CACNA1A: variants seen among roughly 807,000 people sequenced by gnomAD.
CACNA1A encodes the protein voltage-dependent P/Q-type calcium channel subunit alpha-1A.
CACNA1A carries 57 observed loss-of-function variants against 262.4 expected under a neutral mutation model. The ratio of observed to expected loss-of-function variants is 0.22; its 90% CI spans 0.18 to 0.27. The LOEUF (loss-of-function observed/expected upper bound fraction) is 0.27. Among genes scored for constraint, CACNA1A ranks in the 10% least tolerant of loss-of-function variants. The pLI, the probability that CACNA1A is intolerant of heterozygous loss-of-function variation, is 1.00. For missense variants in CACNA1A, 2,526 were observed against 3,562.8 expected, an observed-to-expected ratio of 0.71 and a Z score of 7.41; for synonymous variants, 1,431 against 1,419.3, an observed-to-expected ratio of 1.01 and a Z score of -0.18.
intron 1 of CACNA1A, among the ~76,000 whole-genome samples, chr19:13,490,855 AAG>A (rs1491462699): frequency 6.9e-6 from 1 of 145,874 alleles, no homozygotes; most frequent in Non-Finnish European, 1.5e-5. Flanking sequence ...GAAGGAGGGA[AAG>A]AGAAAGGAAA....
At chr19:13,504,979 T>G (rs555305181) in intron 1 of CACNA1A, among the ~76,000 whole-genome samples, 3 of 151,812 alleles carry the variant, frequency 2.0e-5, no homozygotes, top group South Asian at 4.2e-4. Context: ...AAAAAAAAAA[T>G]TTAAAAGGCA....
chr19:13,370,091 GCTT>G (rs1329103691), intron 4 of CACNA1A, among the ~76,000 whole-genome samples: 1 of 151,234 alleles, frequency 6.6e-6, no homozygotes, highest in Non-Finnish European at 1.5e-5. Flanking sequence ...CATAGTAAGT[GCTT>G]TTTAATTTTT....
chr19:13,235,359 A>G lies in CACNA1A; in HGVS notation c.5068-85T>C, dbSNP rs562852941. 4.4e-6 allele frequency: 6 copies of G among 1,351,556 alleles called. No homozygotes were observed. The East Asian group carries it at 1.5e-4, about 34-fold the overall frequency. The allele number at this position is 1,351,556 out of a possible 1,614,324, so 83.7% of individuals were successfully genotyped here. A position where few individuals can be genotyped will look rare whatever the true frequency, so the allele number is the denominator to read the frequency against. On this transcript the variant is annotated intron_variant, in intron 32 of 46. Transcript: ENST00000360228. ...CTCCCTTGTCCCAGTGCTCTGCCCCACTGGGTTGGGTGGCCATATGCCACG... is the reference window on the plus strand; with the variant it reads ...CTCCCTTGTCCCAGTGCTCTGCCCCGCTGGGTTGGGTGGCCATATGCCACG...
chr19:13,209,208 A>C, intron 45 of CACNA1A, 104 bp downstream of exon 45: 1 of 1,349,728 alleles, frequency 7.4e-7, no homozygotes, highest in South Asian at 1.5e-5. Flanking sequence ...CTCTCCATGG[A>C]GGCCTCTCCC....
At chr19:13,431,565 T>C (rs982638225) in intron 3 of CACNA1A, among the ~76,000 whole-genome samples, 1 of 152,044 alleles carries the variant, frequency 6.6e-6, no homozygotes, top group Non-Finnish European at 1.5e-5. Context: ...CAGAGTCAGC[T>C]GCACACCCAT....
intron 31 of CACNA1A, among the ~76,000 whole-genome samples, chr19:13,238,595 A>T (rs1274067790): frequency 2.7e-5 from 4 of 147,444 alleles, no homozygotes; most frequent in Admixed American, 6.7e-5. Flanking sequence ...ATCACCCAGT[A>T]TTTTTTTTTT....
chr19:13,225,705 C>T (rs1164241743), intron 37 of CACNA1A: 1 of 149,788 alleles, frequency 6.7e-6, no homozygotes. Flanking sequence ...CAGAGCAGGA[C>T]ACTGGAGGGG....
At chr19:13,270,750 G>A (rs2056996523) in intron 24 of CACNA1A, among the ~76,000 whole-genome samples, 2 of 152,212 alleles carry the variant, frequency 1.3e-5, no homozygotes, top group Admixed American at 1.3e-4. Context: ...TTGACAGTGG[G>A]GTGGGGAGGG....
At chr19:13,451,324 C>G (rs1187711796) in intron 3 of CACNA1A, 2 of 152,378 alleles carry the variant, frequency 1.3e-5, no homozygotes, top group Admixed American at 6.5e-5. Context: ...GAGACAGAAC[C>G]TGGAGCAGCA....
Position 13,212,831 on chromosome 19 carries a change from C to T in CACNA1A, c.5941-91G>A. 1.9e-6 allele frequency: 1 copy of T among 513,418 alleles called. No homozygotes were observed. 31.8% of individuals were successfully genotyped at this position (513,418 alleles called of 1,614,324 possible). The stretch of plus-strand genomic sequence containing the variant: ...GGCATTGCGACATCCCCAGTATACA[C>T]ACACACACACACACACACTCTCTCA... On this transcript the variant is annotated intron_variant, in intron 40 of 46. Coordinates refer to ENST00000360228, the MANE Select transcript of CACNA1A (RefSeq NM_001127222.2). The surrounding 1 kb of genome is among the most constrained non-coding windows in gnomAD (Gnocchi z 5.6).
intron 19 of CACNA1A, among the ~76,000 whole-genome samples, chr19:13,297,990 T>G (rs2057701152): frequency 6.6e-6 from 1 of 151,620 alleles, no homozygotes; most frequent in South Asian, 2.1e-4. Flanking sequence ...CCACCACTAA[T>G]TTTTGTATTT....
intron 3 of CACNA1A, among the ~76,000 whole-genome samples, chr19:13,395,834 C>A (rs535268330): frequency 6.6e-6 from 1 of 151,672 alleles, no homozygotes; most frequent in African/African-American, 2.4e-5. Context: ...AGAGAGCCCC[C>A]CCTCCATTCC....
chr19:13,360,752 C>T (rs1009899781), intron 5 of CACNA1A, among the ~76,000 whole-genome samples: 1 of 152,182 alleles, frequency 6.6e-6, no homozygotes, highest in Admixed American at 6.5e-5. Flanking sequence ...GCTGGGATTA[C>T]AGGCGTGAGC....
At position 13,413,897 on chromosome 19, in the gene CACNA1A, A is replaced by G. The variant is rs750244817; in HGVS notation, c.539+38979T>C. On this transcript the variant is annotated intron_variant, in intron 3 of 46. Transcript: ENST00000360228. The stretch of plus-strand genomic sequence containing the variant: ...CTCTGTCAAGAAAGAAAGAAAGAAA[A>G]AGAAAGAAAGAAAGAAAGAAAGAAA... Among the ~76,000 whole-genome samples the G allele has an allele frequency of 3.9e-3, 173 of 44,474 alleles. 2 individuals are homozygous for G. Among genetic ancestry groups the G allele is most frequent in the African/African-American group, 9.2e-3 (162 of 17,606 alleles). 29.2% of individuals were successfully genotyped at this position (44,474 alleles called of 152,430 possible).
At chr19:13,392,821 A>G (rs924656084) in intron 3 of CACNA1A, among the ~76,000 whole-genome samples, 2 of 152,008 alleles carry the variant, frequency 1.3e-5, no homozygotes, top group Non-Finnish European at 2.9e-5. Context: ...ATCTCTGCTC[A>G]CTGCAACCTC....
chr19:13,231,701 C>G lies in CACNA1A; in HGVS notation c.5400+9G>C. 1 of 1,606,902 alleles carries G rather than the reference C, an allele frequency of 6.2e-7. No homozygotes were observed. The highest frequency in any genetic ancestry group is 8.5e-7 in the Non-Finnish European group (1 of 1,176,636). Reference sequence around the variant, plus strand: ...GCCCAGACGGCCCTCACAGTGTCCACAGACTCACCAGAAACGAGCAGAGGA... The same window carrying G: ...GCCCAGACGGCCCTCACAGTGTCCAGAGACTCACCAGAAACGAGCAGAGGA... On this transcript the variant is annotated intron_variant, in intron 35 of 46. Coordinates refer to ENST00000360228, the MANE Select transcript of CACNA1A (RefSeq NM_001127222.2).
chr19:13,380,507 C>T lies in CACNA1A; in HGVS notation c.540-8728G>A, dbSNP rs1055102072. 4.9e-4 allele frequency among the ~76,000 whole-genome samples: 74 copies of T among 150,310 alleles called. 1 individual carries two copies. The highest frequency in any genetic ancestry group is 2.8e-3 in the East Asian group (14 of 5,042). ...CTAAAAATGCAAAAAATTAGCTGGG[C>T]GTGGCGGTGGGCATCTGTAATCCCA... On this transcript the variant is annotated intron_variant, in intron 3 of 46. Coordinates refer to ENST00000360228, the MANE Select transcript of CACNA1A (RefSeq NM_001127222.2).
At chr19:13,503,881 TCGCAATTCA>T (rs1982694209) in intron 1 of CACNA1A, among the ~76,000 whole-genome samples, 1 of 151,880 alleles carries the variant, frequency 6.6e-6, no homozygotes, top group African/African-American at 2.4e-5. Flanking sequence ...CAAGCAACAC[TCGCAATTCA>T]CCTGCCTCCC....
At chr19:13,397,434 T>C (rs1275624451) in intron 3 of CACNA1A, among the ~76,000 whole-genome samples, 1 of 152,124 alleles carries the variant, frequency 6.6e-6, no homozygotes, top group African/African-American at 2.4e-5. Flanking sequence ...TGGAAGAAGA[T>C]AGGAATGTCC....
Sources: gnomAD v4.1 joint callset for allele counts (sites outside exome capture counted in the v4.1 genomes callset) on GRCh38, gnomAD v4.1.1 for gene constraint, Gnocchi (gnomAD v3.1) non-coding constraint, MANE v1.5 for transcripts, NCBI Gene and HGNC (gene_info 2026-07-23, HGNC 2026-07-21) for gene names.